SDHC: variants seen among roughly 807,000 people sequenced by gnomAD.
SDHC encodes succinate dehydrogenase cytochrome b560 subunit, mitochondrial.
SDHC carries 11 observed loss-of-function variants against 22.6 expected under a neutral mutation model. The observed-to-expected ratio is 0.49, with a 90% CI of 0.31 to 0.81. SDHC has a LOEUF of 0.81. Among genes scored for constraint, SDHC ranks in the 30% least tolerant of loss-of-function variants. The pLI is 0.05. For synonymous variants in SDHC, 80 were observed against 77.8 expected (o/e 1.03, Z -0.15); for missense variants, 160 against 212.0 (o/e 0.75, Z 1.52).
intron 2 of SDHC, among the ~76,000 whole-genome samples, chr1:161,325,324 A>T (rs1295686036): frequency 6.6e-6 from 1 of 151,432 alleles, no homozygotes; most frequent in Non-Finnish European, 1.5e-5. Flanking sequence ...CCTGGGCAAC[A>T]TAGGGATACC....
intron 3 of SDHC, chr1:161,339,612 A>T (rs1206625400): frequency 1.1e-5 from 12 of 1,075,556 alleles, no homozygotes; most frequent in African/African-American, 3.6e-5. Flanking sequence ...TCCATAAATC[A>T]GTTTTCTTTA....
At chr1:161,330,837 G>A (rs759307347) in intron 3 of SDHC, among the ~76,000 whole-genome samples, 10 of 151,792 alleles carry the variant, frequency 6.6e-5, no homozygotes, top group African/African-American at 1.7e-4. Context: ...CTGTCTCTAC[G>A]AAGATACAAA....
chr1:161,355,098 G>A (rs57841279), intron 4 of SDHC, among the ~76,000 whole-genome samples: 17,820 of 152,152 alleles, frequency 0.12, 1,413 homozygotes, highest in African/African-American at 0.22. Flanking sequence ...AGCTCCAACA[G>A]ATAATGCAGC....
chr1:161,357,592 G>A (rs749355670), intron 5 of SDHC, among the ~76,000 whole-genome samples: 8 of 151,818 alleles, frequency 5.3e-5, no homozygotes, highest in Middle Eastern at 3.4e-3. Context: ...GTAGAGATGG[G>A]GTTTCCCCAT....
intron 3 of SDHC, among the ~76,000 whole-genome samples, chr1:161,336,795 C>CT (rs1224902751): frequency 2.6e-5 from 4 of 152,114 alleles, no homozygotes; most frequent in Admixed American, 2.6e-4. Flanking sequence ...TGTTAAACAT[C>CT]TTTTCATGTA....
intron 3 of SDHC, among the ~76,000 whole-genome samples, chr1:161,330,736 A>G (rs73024038): frequency 0.015 from 2,261 of 152,268 alleles, 54 homozygotes; most frequent in African/African-American, 0.052. Context: ...GCGATGGCTC[A>G]CATCTGTAAT....
intron 2 of SDHC, among the ~76,000 whole-genome samples, chr1:161,326,160 C>T (rs1481248186): frequency 6.6e-6 from 1 of 151,840 alleles, no homozygotes; most frequent in South Asian, 2.1e-4. Context: ...CGAGATCGCA[C>T]CACTGCACTC....
chr1:161,332,388 C>T (rs549239761), intron 3 of SDHC, among the ~76,000 whole-genome samples: 20 of 152,234 alleles, frequency 1.3e-4, no homozygotes, highest in African/African-American at 4.3e-4. Flanking sequence ...TCCACATTAT[C>T]GTGGGACATA....
At chr1:161,351,833 A>G (rs959625051) in intron 4 of SDHC, among the ~76,000 whole-genome samples, 5 of 152,230 alleles carry the variant, frequency 3.3e-5, no homozygotes, top group Non-Finnish European at 7.3e-5. Flanking sequence ...CATCAGTTGG[A>G]CAGCTTCATG....
At chr1:161,323,111 G>A (rs911414295) in intron 1 of SDHC, among the ~76,000 whole-genome samples, 4 of 151,946 alleles carry the variant, frequency 2.6e-5, no homozygotes, top group Admixed American at 6.6e-5. Context: ...CCATTCTCTC[G>A]CCTCAGCCTC....
At position 161,328,452 on chromosome 1, in the gene SDHC, A is replaced by G; in HGVS notation, c.134A>G (p.Asn45Ser). 4 of 1,613,914 alleles carry G rather than the reference A, an allele frequency of 2.5e-6. No individual in the cohort carries two copies. Among genetic ancestry groups the G allele is most frequent in the Non-Finnish European group, 2.5e-6 (3 of 1,179,784 alleles). Reference protein sequence around the residue: ...KEEMERFWNKNIGSNRPLSPH... With the variant: ...KEEMERFWNKSIGSNRPLSPH... ...GAGATGGAGCGGTTCTGGAATAAGA[A>G]TATAGGTTCAAACCGTCCTCTGTCT... The change falls in exon 3 of 6, where the codon AAT (asparagine) becomes AGT (serine). Residue 45 changes from asparagine to serine, a missense_variant. Coordinates refer to ENST00000367975, the MANE Select transcript of SDHC (RefSeq NM_003001.5).
rs1670968355 is a variant in SDHC at position 161,324,310 on chromosome 1, AT to A, written c.77+644del. On this transcript the variant is annotated intron_variant, in intron 2 of 5. Transcript: ENST00000367975. ...TATTTTGTAGAGACGAGGTTTCACC[AT>A]TTTGCCCAAGCAGGTCTTGAACTCC... Among the ~76,000 whole-genome samples, 3 of 152,186 alleles carry A rather than the reference AT, an allele frequency of 2.0e-5. No homozygotes were observed. In the South Asian group the frequency reaches 6.2e-4, roughly 32 times the overall value.
chr1:161,350,722 T>C (rs1672073959), intron 4 of SDHC, among the ~76,000 whole-genome samples: 1 of 152,228 alleles, frequency 6.6e-6, no homozygotes, highest in Non-Finnish European at 1.5e-5. Context: ...CTGTGGGCCA[T>C]GTTTGGTCAA....
intron 3 of SDHC, among the ~76,000 whole-genome samples, chr1:161,337,064 T>TTG (rs1671520115): frequency 1.3e-5 from 2 of 149,968 alleles, no homozygotes; most frequent in African/African-American, 4.9e-5. Flanking sequence ...GAAATGGGTT[T>TTG]TTTTTTTTTT....
Position 161,356,720 on chromosome 1 carries a change from C to G in SDHC, c.285C>G (p.Asn95Lys), listed in dbSNP as rs1347081665. Residue 95 changes from asparagine to lysine, a missense_variant, in exon 5 of 6, where the codon AAC becomes AAG. Coordinates refer to ENST00000367975, the MANE Select transcript of SDHC (RefSeq NM_003001.5). Reference sequence around the variant, plus strand: ...TGTCGGCCCTGTTACTCCCTGGGAACTTTGAGTCTTATTTGGAACTTGTGA... The same window carrying G: ...TGTCGGCCCTGTTACTCCCTGGGAAGTTTGAGTCTTATTTGGAACTTGTGA... Reference protein sequence around the residue: ...FGMSALLLPGNFESYLELVKS... With the variant: ...FGMSALLLPGKFESYLELVKS... 1 of 1,613,842 alleles carries G rather than the reference C, an allele frequency of 6.2e-7. No individual in the cohort carries two copies. The highest frequency in any genetic ancestry group is 8.5e-7 in the Non-Finnish European group (1 of 1,179,934).
chr1:161,337,061 G>T (rs1287933085), intron 3 of SDHC, among the ~76,000 whole-genome samples: 17 of 133,918 alleles, frequency 1.3e-4, no homozygotes, highest in Admixed American at 5.3e-4. Flanking sequence ...GTAGAAATGG[G>T]TTTTTTTTTT....
intron 4 of SDHC, among the ~76,000 whole-genome samples, chr1:161,353,202 G>T (rs755507708): frequency 6.6e-6 from 1 of 152,008 alleles, no homozygotes; most frequent in Non-Finnish European, 1.5e-5. Context: ...AGAGTAGGTG[G>T]TGTTATCCTA....
chr1:161,345,703 G>A (rs1015092902), intron 4 of SDHC, among the ~76,000 whole-genome samples: 2 of 152,088 alleles, frequency 1.3e-5, no homozygotes, highest in Non-Finnish European at 1.5e-5. Context: ...TGATCCGCCC[G>A]CCTCGGCCTC....
At chr1:161,314,637 C>A in intron 1 of SDHC, 1 of 608,256 alleles carries the variant, frequency 1.6e-6, no homozygotes, top group Non-Finnish European at 2.9e-6. Context: ...TCACTGACTT[C>A]GTATCGAGGG....
Sources: gnomAD v4.1 joint callset for allele counts (sites outside exome capture counted in the v4.1 genomes callset) on GRCh38, gnomAD v4.1.1 for gene constraint, MANE v1.5 for transcripts, NCBI Gene and HGNC (gene_info 2026-07-23, HGNC 2026-07-21) for gene names.